Variants in MPP2 observed in about 807,000 individuals in gnomAD.
MPP2 encodes the protein MAGUK p55 scaffold protein 2.
Under a neutral mutation model 58.5 loss-of-function variants are expected in MPP2, and 42 were observed. The observed-to-expected ratio is 0.72, with a 90% CI of 0.56 to 0.93. MPP2 has a LOEUF of 0.93. Among genes scored for constraint, MPP2 ranks in the 40% least tolerant of loss-of-function variants. The pLI is 0.00. For synonymous variants in MPP2, 300 were observed against 307.8 expected (o/e 0.97, Z 0.26); for missense variants, 632 against 760.4 (o/e 0.83, Z 1.99).
Position 43,879,324 on chromosome 17 carries a change from G to A in MPP2, c.1433C>T (p.Ala478Val). ...IEAPDFETLRAMNRAALESGI... is the reference protein window; with the variant it reads ...IEAPDFETLRVMNRAALESGI... ...ACTCTCCAGCGCAGCCCTGTTCATG[G>A]CCCGCAGGGTCTCGAAGTCTGGGGC... is the stretch of plus-strand genomic sequence containing the variant. Residue 478 changes from alanine to valine, a missense_variant, in exon 12 of 13, where the codon GCC (alanine) becomes GTC (valine). By Grantham distance (64) the Ala-to-Val change is moderately conservative. Transcript: ENST00000269095. This position sits in a 1 kb window ranked among gnomAD's most constrained non-coding sequence, Gnocchi z 4.1. 6.2e-7 allele frequency: 1 copy of A among 1,614,158 alleles called. No individual in the cohort carries two copies. Among genetic ancestry groups the A allele is most frequent in the Non-Finnish European group, 8.5e-7 (1 of 1,180,010 alleles).
intron 3 of MPP2, among the ~76,000 whole-genome samples, chr17:43,884,793 A>G (rs1328149596): frequency 2.3e-5 from 1 of 44,398 alleles, no homozygotes; most frequent in Non-Finnish European, 4.3e-5. Context: ...AATTCCCATC[A>G]TTCCTTCTAC....
rs372656358 is a variant in MPP2, at chr17:43,879,384, G to A, written c.1373C>T (p.Thr458Met). 26 of 1,614,020 alleles carry A rather than the reference G, an allele frequency of 1.6e-5. No individual in the cohort carries two copies. Among genetic ancestry groups the A allele is most frequent in the Admixed American group, 3.3e-5 (2 of 60,012 alleles). Residue 458 changes from threonine (T) to methionine (M), a missense_variant, in exon 12 of 13, where the codon ACG (threonine) becomes ATG (methionine). Thr to Met is a moderately conservative substitution (Grantham distance 81, BLOSUM62 -1). Transcript: ENST00000269095. This position sits in a 1 kb window ranked among gnomAD's most constrained non-coding sequence, Gnocchi z 4.1. ...VNPQAVKVLR[T>M]AEFVPYVVFI... is the part of the protein sequence containing the mutation. Reference sequence around the variant, plus strand: ...CACCACGTAAGGGACAAACTCGGCCGTTCGTAGCACCTTCACCGCCTGCAG... The same window carrying A: ...CACCACGTAAGGGACAAACTCGGCCATTCGTAGCACCTTCACCGCCTGCAG...
In MPP2 at chr17:43,879,847, G is replaced by T. The variant is rs761972158; in HGVS notation, c.1288C>A (p.Arg430Ser). ...GEYEGNLYGT[R>S]IDSIRGVVAA... ...ACCACGCCCCGGATGGAGTCAATAC[G>T]TGTGCCATACAGGTTGCCCTCGTAT... The change falls in exon 11 of 13, where the codon CGT becomes AGT. Residue 430 changes from arginine (R) to serine (S), a missense_variant. Arg to Ser is a moderately radical substitution (Grantham distance 110, BLOSUM62 -1). Transcript: ENST00000269095. The surrounding 1 kb of genome is among the most constrained non-coding windows in gnomAD (Gnocchi z 4.1). 1.2e-6 allele frequency: 2 copies of T among 1,614,004 alleles called. No individual in the cohort carries two copies. The highest frequency in any genetic ancestry group is 1.7e-6 in the Non-Finnish European group (2 of 1,179,970).
intron 3 of MPP2, among the ~76,000 whole-genome samples, chr17:43,891,242 C>A (rs959035645): frequency 6.6e-6 from 1 of 152,132 alleles, no homozygotes; most frequent in African/African-American, 2.4e-5. Flanking sequence ...CACTTCTGGC[C>A]GGGGTGGCTC....
At chr17:43,901,608 C>CAGT (rs2048099617) in intron 2 of MPP2, 5 of 984,352 alleles carry the variant, frequency 5.1e-6, no homozygotes, top group Non-Finnish European at 6.0e-6. Context: ...CACACCAGGA[C>CAGT]AGTAACCCAG....
chr17:43,905,075 G>A (rs1434935102), intron 1 of MPP2, among the ~76,000 whole-genome samples: 1 of 121,534 alleles, frequency 8.2e-6, no homozygotes, highest in African/African-American at 3.3e-5. Flanking sequence ...TACTTGTGGG[G>A]CTGAGGCAGG....
At chr17:43,908,087 C>T, upstream of MPP2, 1 of 534,726 alleles carries the variant, frequency 1.9e-6, no homozygotes, top group Non-Finnish European at 2.4e-6. Flanking sequence ...GAAATGTCTT[C>T]CTGAAAGGAT....
At chr17:43,906,143 C>T (rs1320113092) in intron 1 of MPP2, 2 of 984,468 alleles carry the variant, frequency 2.0e-6, no homozygotes, top group Admixed American at 6.1e-5. Context: ...CTCCAGAAGT[C>T]CTCCTTCCCT....
intron 2 of MPP2, among the ~76,000 whole-genome samples, chr17:43,902,014 C>T (rs1270742488): frequency 1.3e-5 from 2 of 152,156 alleles, no homozygotes; most frequent in African/African-American, 2.4e-5. Flanking sequence ...GGCAGGGACA[C>T]AGCTGTCTCT....
rs1387008051 is a variant in MPP2, at chr17:43,882,990, A to G, written c.366T>C (p.Pro122=). ...SKTYETPPPS[P]GLDPTFSNQP... is the part of the protein sequence containing the mutation. ...GGTTGCTGAATGTAGGGTCCAGGCC[A>G]GGGCTGGGGGGTGGTGTCTCATAGG... The change falls in exon 5 of 13, where the codon CCT becomes CCC. Residue 122 remains proline (P), a synonymous_variant. Transcript: ENST00000269095. The G allele has an allele frequency of 6.2e-7, 1 of 1,614,016 alleles. No homozygotes were observed. Among genetic ancestry groups the G allele is most frequent in the Admixed American group, 1.7e-5 (1 of 60,024 alleles).
At position 43,879,997 on chromosome 17, in the gene MPP2, G is replaced by T. The variant is rs780415253; in HGVS notation, c.1151-13C>A. ...CGCCGGGAGGTGTCTAGGGGGATGGGGGTAGGTTGGACCAAATGGGCAGGG... is the reference window on the plus strand; with the variant it reads ...CGCCGGGAGGTGTCTAGGGGGATGGTGGTAGGTTGGACCAAATGGGCAGGG... On this transcript the variant is annotated splice_polypyrimidine_tract_variant and intron_variant, in intron 10 of 12. Transcript: ENST00000269095. This position sits in a 1 kb window ranked among gnomAD's most constrained non-coding sequence, Gnocchi z 4.1. 6.2e-7 allele frequency: 1 copy of T among 1,613,730 alleles called. No homozygotes were observed.
At chr17:43,904,592 G>A in intron 1 of MPP2, 99 bp from the exon 2 acceptor site, 1 of 1,014,436 alleles carries the variant, frequency 9.9e-7, no homozygotes, top group Non-Finnish European at 1.5e-6. Flanking sequence ...GAAAGGTAGG[G>A]GAGAAGGTGC....
chr17:43,907,699 G>A (rs868581918), upstream of MPP2: 8 of 985,644 alleles, frequency 8.1e-6, no homozygotes, highest in South Asian at 3.3e-4. Flanking sequence ...AGTGGTTTGG[G>A]AGACACCGCA....
At chr17:43,906,651 G>GA (rs2048299737) in intron 1 of MPP2, among the ~76,000 whole-genome samples, 1 of 152,138 alleles carries the variant, frequency 6.6e-6, no homozygotes, top group Non-Finnish European at 1.5e-5. Context: ...GGATGGGGTC[G>GA]AAAGGCCAGG....
At position 43,881,169 on chromosome 17, in the gene MPP2, G is replaced by A. The variant is rs1460901941; in HGVS notation, c.920-11C>T. 9.9e-6 allele frequency: 16 copies of A among 1,613,950 alleles called. No individual in the cohort carries two copies. Among genetic ancestry groups the A allele is most frequent in the African/African-American group, 2.7e-5 (2 of 74,900 alleles). On this transcript the variant is annotated splice_polypyrimidine_tract_variant and intron_variant, in intron 8 of 12. Coordinates refer to ENST00000269095, the MANE Select transcript of MPP2 (RefSeq NM_005374.5). ...TGCCGCATAGGGTCCCTGGCCATAG[G>A]GAGATGGGTGAGTGAGGCAGACAGG...
At position 43,881,101 on chromosome 17, in the gene MPP2, G is replaced by A; in HGVS notation, c.977C>T (p.Thr326Ile). ...KKKKRMMYLT[T>I]KNAEFDRHEL... ...GCTCTGATACCCACCTGCATTCTTG[G>A]TGGTCAAATACATCATTCGCTTCTT... is the stretch of plus-strand genomic sequence containing the variant. Residue 326 changes from threonine to isoleucine, a missense_variant, in exon 9 of 13, where the codon ACC becomes ATC. Transcript: ENST00000269095. 1 of 1,614,020 alleles carries A rather than the reference G, an allele frequency of 6.2e-7. No individual in the cohort carries two copies. Among genetic ancestry groups the A allele is most frequent in the Non-Finnish European group, 8.5e-7 (1 of 1,179,994 alleles).
At chr17:43,898,860 G>A (rs568858294) in intron 2 of MPP2, among the ~76,000 whole-genome samples, 283 of 151,988 alleles carry the variant, frequency 1.9e-3, no homozygotes, top group Non-Finnish European at 3.1e-3. Flanking sequence ...AGCTACTCAG[G>A]AGGCTGAGGC....
chr17:43,881,194 G>A lies in MPP2; in HGVS notation c.920-36C>T, dbSNP rs376136984. 5.6e-6 allele frequency: 9 copies of A among 1,613,584 alleles called. No individual in the cohort carries two copies. In the African/African-American group the frequency reaches 1.2e-4, roughly 22 times the overall value. On this transcript the variant is annotated intron_variant, in intron 8 of 12. Transcript: ENST00000269095. ...GGAGATGGGTGAGTGAGGCAGACAG[G>A]GCCCTGTTGGATCCCAGATTGGAGG...
chr17:43,901,368 G>A (rs1174805017), intron 2 of MPP2: 4 of 985,408 alleles, frequency 4.1e-6, no homozygotes, highest in African/African-American at 1.7e-5. Context: ...CAGGAAGCAA[G>A]TCAGGCATCT....
Sources: gnomAD v4.1 joint callset for allele counts (sites outside exome capture counted in the v4.1 genomes callset) on GRCh38, gnomAD v4.1.1 for gene constraint, Gnocchi (gnomAD v3.1) non-coding constraint, MANE v1.5 for transcripts, NCBI Gene and HGNC (gene_info 2026-07-23, HGNC 2026-07-21) for gene names.